PCDH15: variants seen among roughly 807,000 people sequenced by gnomAD.
The protein encoded by PCDH15 is protocadherin related 15.
PCDH15 carries 129 observed loss-of-function variants against 178.5 expected under a neutral mutation model. The ratio of observed to expected loss-of-function variants is 0.72; its 90% CI spans 0.63 to 0.84. PCDH15 has a LOEUF of 0.84. Among genes scored for constraint, PCDH15 ranks in the 40% least tolerant of loss-of-function variants. The pLI is 0.00. For missense variants in PCDH15, 2,230 were observed against 2,099.9 expected, an observed-to-expected ratio of 1.06 and a Z score of -1.21; for synonymous variants, 800 against 732.0, an observed-to-expected ratio of 1.09 and a Z score of -1.50.
intron 2 of PCDH15, among the ~76,000 whole-genome samples, chr10:54,940,740 T>A (rs1838040281): frequency 6.6e-6 from 1 of 152,106 alleles, no homozygotes; most frequent in Admixed American, 6.6e-5. Context: ...AACTCTTATA[T>A]CTTTGTGATG....
chr10:53,947,777 G>T (rs2086695202), intron 23 of PCDH15, among the ~76,000 whole-genome samples: 1 of 152,206 alleles, frequency 6.6e-6, no homozygotes, highest in Non-Finnish European at 1.5e-5. Flanking sequence ...TCCAAAGAAT[G>T]CGTGCTTTCT....
At chr10:55,167,943 A>G (rs1277257053) in intron 1 of PCDH15, among the ~76,000 whole-genome samples, 1 of 152,156 alleles carries the variant, frequency 6.6e-6, no homozygotes, top group Non-Finnish European at 1.5e-5. Flanking sequence ...TAAAATTTTA[A>G]AATACTTTCT....
intron 3 of PCDH15, among the ~76,000 whole-genome samples, chr10:54,482,214 T>C (rs1794636138): frequency 6.6e-6 from 1 of 152,008 alleles, no homozygotes; most frequent in Non-Finnish European, 1.5e-5. Flanking sequence ...TTGGAATTTT[T>C]GGTTGGAAAT....
chr10:54,160,260 T>C (rs1014484423), intron 13 of PCDH15, among the ~76,000 whole-genome samples: 1 of 152,090 alleles, frequency 6.6e-6, no homozygotes, highest in Non-Finnish European at 1.5e-5. Flanking sequence ...ATTTAAAACT[T>C]TGGAATTGTT....
chr10:54,233,150 C>T lies in PCDH15; in HGVS notation c.985+3673G>A, dbSNP rs573215182. Among the ~76,000 whole-genome samples the T allele has an allele frequency of 2.6e-5, 4 of 151,890 alleles. No homozygotes were observed. In the South Asian group the frequency reaches 6.2e-4, roughly 24 times the overall value. On this transcript the variant is annotated intron_variant, in intron 9 of 37. Transcript: ENST00000644397. ...GTAGAGACAGGGTTTCGCCATATTGCCCAGGCTGGTCTCAAACTCCAGGTC... is the reference window on the plus strand; with the variant it reads ...GTAGAGACAGGGTTTCGCCATATTGTCCAGGCTGGTCTCAAACTCCAGGTC...
chr10:54,738,902 G>A (rs1944442380), intron 1 of PCDH15, among the ~76,000 whole-genome samples: 1 of 151,780 alleles, frequency 6.6e-6, no homozygotes, highest in Non-Finnish European at 1.5e-5. Context: ...AAGTATAAAA[G>A]AAGTATACCT....
intron 4 of PCDH15, among the ~76,000 whole-genome samples, chr10:54,370,345 C>A (rs1049742001): frequency 6.6e-6 from 1 of 151,932 alleles, no homozygotes; most frequent in Non-Finnish European, 1.5e-5. Context: ...TTTCAAATTT[C>A]TTCCAATTTA....
intron 2 of PCDH15, among the ~76,000 whole-genome samples, chr10:55,587,895 T>A (rs368522822): frequency 6.6e-6 from 1 of 152,186 alleles, no homozygotes; most frequent in African/African-American, 2.4e-5. Flanking sequence ...TGAACCAGAA[T>A]AATGTCAGTC....
chr10:55,133,813 A>T (rs1838118726), intron 2 of PCDH15, among the ~76,000 whole-genome samples: 1 of 152,118 alleles, frequency 6.6e-6, no homozygotes, highest in African/African-American at 2.4e-5. Flanking sequence ...TAACACATAA[A>T]GAAATCCTGT....
chr10:54,855,330 C>T (rs561121282), intron 3 of PCDH15, among the ~76,000 whole-genome samples: 2 of 152,262 alleles, frequency 1.3e-5, no homozygotes, highest in African/African-American at 4.8e-5. Flanking sequence ...TTGCTCTTGG[C>T]TCTGAGAGCA....
At chr10:53,835,384 A>C (rs1004429897) in intron 29 of PCDH15, among the ~76,000 whole-genome samples, 2 of 152,198 alleles carry the variant, frequency 1.3e-5, no homozygotes, top group Non-Finnish European at 2.9e-5. Context: ...TAATTAAACT[A>C]TATTTTAAAG....
In PCDH15 at chr10:55,151,228, G is replaced by C. The variant is rs560233681; in HGVS notation, c.-80+15348C>G. ...CTCTAATCCAGAAAAGATGTATTTT[G>C]AGTCTATTGAAAATTTACATTTAAG... On this transcript the variant is annotated intron_variant, in intron 2 of 5. Transcript: ENST00000458638. Among the ~76,000 whole-genome samples, 3 of 152,120 alleles carry C rather than the reference G, an allele frequency of 2.0e-5. No homozygotes were observed. In the South Asian group the frequency reaches 6.2e-4, roughly 32 times the overall value.
intron 1 of PCDH15, among the ~76,000 whole-genome samples, chr10:54,737,551 A>T (rs1247954465): frequency 6.6e-6 from 1 of 152,112 alleles, no homozygotes; most frequent in Non-Finnish European, 1.5e-5. Context: ...ACAAAATTAT[A>T]CAAATACTTT....
intron 11 of PCDH15, among the ~76,000 whole-genome samples, 193 bp downstream of exon 11, chr10:54,195,490 G>T (rs542833016): frequency 6.6e-6 from 1 of 152,046 alleles, no homozygotes; most frequent in Non-Finnish European, 1.5e-5. Flanking sequence ...AAGCTGAAAA[G>T]GAATAGTTAT....
chr10:54,065,538 G>A (rs2094120651), intron 18 of PCDH15, among the ~76,000 whole-genome samples: 1 of 152,210 alleles, frequency 6.6e-6, no homozygotes, highest in South Asian at 2.1e-4. Flanking sequence ...GGATGCTGGA[G>A]TTGAATCGCT....
intron 20 of PCDH15, among the ~76,000 whole-genome samples, chr10:54,000,395 T>A (rs2092075507): frequency 6.6e-6 from 1 of 151,884 alleles, no homozygotes; most frequent in South Asian, 2.1e-4. Flanking sequence ...GACAGAGAAT[T>A]CAAAATAGTT....
Position 53,805,939 on chromosome 10 carries a change from G to A in PCDH15, c.*640C>T, listed in dbSNP as rs1045736500. 1 of 152,010 alleles carries A rather than the reference G, an allele frequency of 6.6e-6. No individual in the cohort carries two copies. Among genetic ancestry groups the A allele is most frequent in the Non-Finnish European group, 1.5e-5 (1 of 67,976 alleles). The allele number at this position is 152,010 out of a possible 1,614,324, so 9.4% of individuals were successfully genotyped here. A position where few individuals can be genotyped will look rare whatever the true frequency, so the allele number is the denominator to read the frequency against. On this transcript the variant is annotated 3_prime_UTR_variant, in exon 38 of 38. Coordinates refer to ENST00000644397, the MANE Select transcript of PCDH15 (RefSeq NM_001384140.1). The stretch of plus-strand genomic sequence containing the variant: ...AAATAATATTGATAAAAAGACATAC[G>A]ACTTCAAGTGGTTTCCTAAAGGGTC...
In PCDH15 at chr10:55,190,032, G is replaced by A. The variant is rs571068132; in HGVS notation, c.-155-23381C>T. Among the ~76,000 whole-genome samples, 5 of 151,864 alleles carry A rather than the reference G, an allele frequency of 3.3e-5. No homozygotes were observed. In the South Asian group the frequency reaches 1.0e-3, roughly 31 times the overall value. On this transcript the variant is annotated intron_variant, in intron 1 of 5. Transcript: ENST00000458638. ...TATCCAAGTACTCTTCAGTAAGAAT[G>A]TGGGAAACAAATCATGGTCTCTCTA...
chr10:53,978,002 C>T (rs987708120), intron 21 of PCDH15, among the ~76,000 whole-genome samples: 1 of 152,146 alleles, frequency 6.6e-6, no homozygotes, highest in Non-Finnish European at 1.5e-5. Flanking sequence ...CAGTGTATAG[C>T]CCCCTCTTGG....
Sources: gnomAD v4.1 joint callset for allele counts (sites outside exome capture counted in the v4.1 genomes callset) on GRCh38, gnomAD v4.1.1 for gene constraint, MANE v1.5 for transcripts, NCBI Gene and HGNC (gene_info 2026-07-23, HGNC 2026-07-21) for gene names.